The following CACNA1G variants were observed in gnomAD, a reference collection of about 807,000 sequenced individuals.
The protein encoded by CACNA1G is calcium voltage-gated channel subunit alpha1 G, also known as voltage-dependent T-type calcium channel subunit alpha-1G.
A neutral mutation model predicts 219.4 loss-of-function variants in CACNA1G; 67 were observed. The observed-to-expected ratio is 0.31, with a 90% CI of 0.25 to 0.37. The LOEUF (loss-of-function observed/expected upper bound fraction) is 0.37, where lower values mean the gene tolerates loss of function less well. CACNA1G is among the 10% of genes least tolerant of loss of function. The pLI, the probability that CACNA1G is intolerant of heterozygous loss-of-function variation, is 1.00. For synonymous variants in CACNA1G, 1,296 were observed against 1,345.3 expected (o/e 0.96, Z 0.80); for missense variants, 2,380 against 3,231.4 (o/e 0.74, Z 6.39).
chr17:50,624,810 C>T (rs1374666961), intron 37 of CACNA1G, among the ~76,000 whole-genome samples: 2 of 152,218 alleles, frequency 1.3e-5, no homozygotes, highest in South Asian at 4.1e-4. Context: ...AGGTAGAACC[C>T]CAGTCTCTGG....
intron 8 of CACNA1G, among the ~76,000 whole-genome samples, chr17:50,577,480 G>A (rs2040949764): frequency 6.7e-6 from 1 of 149,764 alleles, no homozygotes; most frequent in African/African-American, 2.5e-5. Context: ...CTATGTCCAT[G>A]AAGGGGTCCA....
chr17:50,619,560 T>A (rs1263998729), intron 33 of CACNA1G, 123 bp from the exon 34 acceptor site: 1 of 811,600 alleles, frequency 1.2e-6, no homozygotes, highest in Non-Finnish European at 1.9e-6. Context: ...ATGTGTGTTG[T>A]CTGGGTGTCA....
intron 23 of CACNA1G, among the ~76,000 whole-genome samples, chr17:50,606,676 G>A (rs555744468): frequency 1.2e-4 from 19 of 152,238 alleles, no homozygotes; most frequent in African/African-American, 3.9e-4. Context: ...CCTACCTGGC[G>A]GAGGGCAGAG....
At position 50,590,479 on chromosome 17, in the gene CACNA1G, G is replaced by A. The variant is rs772214918; in HGVS notation, c.2310G>A (p.Glu770=). Reference sequence around the variant, plus strand: ...CCCACCCTGCCCTGCAGCCCGAGGAGCTTACCAACGCCCTAGAAATCAGCA... The same window carrying A: ...CCCACCCTGCCCTGCAGCCCGAGGAACTTACCAACGCCCTAGAAATCAGCA... ...MGIEYHEQPE[E]LTNALEISNI... The change falls in exon 10 of 38, where the codon GAG becomes GAA. Residue 770 remains glutamate (E), a synonymous_variant. Coordinates refer to ENST00000359106, the MANE Select transcript of CACNA1G (RefSeq NM_018896.5). 3.1e-6 allele frequency: 5 copies of A among 1,613,854 alleles called. No homozygotes were observed. Among genetic ancestry groups the A allele is most frequent in the Admixed American group, 3.3e-5 (2 of 60,016 alleles).
chr17:50,568,082 G>A (rs1171463676), intron 1 of CACNA1G, among the ~76,000 whole-genome samples: 2 of 152,180 alleles, frequency 1.3e-5, no homozygotes, highest in Non-Finnish European at 1.5e-5. Context: ...TCATTTGAGG[G>A]TGTTGAGAGG....
intron 11 of CACNA1G, 42 bp downstream of exon 11, chr17:50,591,662 G>C: frequency 1.2e-6 from 2 of 1,610,318 alleles, no homozygotes; most frequent in Non-Finnish European, 1.7e-6. Context: ...AGACCGGCCA[G>C]GCTGGGGGCA....
At chr17:50,624,335 C>CAA in intron 36 of CACNA1G, 25 bp from the exon 37 acceptor site, 3 of 1,365,998 alleles carry the variant, frequency 2.2e-6, no homozygotes, top group Non-Finnish European at 2.0e-6. Context: ...CCCCCCACCC[C>CAA]TCCCCCGCTT....
At chr17:50,588,945 C>T (rs1301892212) in intron 9 of CACNA1G, among the ~76,000 whole-genome samples, 1 of 152,218 alleles carries the variant, frequency 6.6e-6, no homozygotes, top group African/African-American at 2.4e-5. Context: ...TTTGGGTGTC[C>T]TCAGGCCTGG....
In CACNA1G at chr17:50,601,155, A is replaced by G. The variant is rs762204818; in HGVS notation, c.3896A>G (p.Lys1299Arg). The G allele has an allele frequency of 2.5e-5, 41 of 1,613,690 alleles. No individual in the cohort carries two copies. Among genetic ancestry groups the G allele is most frequent in the Non-Finnish European group, 3.3e-5 (39 of 1,179,852 alleles). The change falls in exon 19 of 38, where the codon AAA (lysine) becomes AGA (arginine). Residue 1299 changes from lysine (K) to arginine (R), a missense_variant. Lys to Arg is a conservative substitution (Grantham distance 26, BLOSUM62 2). This residue lies in a region of CACNA1G where 153 missense variants were observed against 374.9 expected (regional missense o/e 0.41). Coordinates refer to ENST00000359106, the MANE Select transcript of CACNA1G (RefSeq NM_018896.5). ...ATCACCATCGCCATGGAGCGCCCCAAAATTGACCCCCACAGCGCTGTGAGT... is the reference window on the plus strand; with the variant it reads ...ATCACCATCGCCATGGAGCGCCCCAGAATTGACCCCCACAGCGCTGTGAGT... ...NCITIAMERP[K>R]IDPHSAERIF...
At position 50,603,292 on chromosome 17, in the gene CACNA1G, A is replaced by G; in HGVS notation, c.4169+93A>G. 2.6e-6 allele frequency: 3 copies of G among 1,135,094 alleles called. No individual in the cohort carries two copies. The highest frequency in any genetic ancestry group is 3.8e-6 in the Non-Finnish European group (3 of 796,742). 70.3% of individuals were successfully genotyped at this position (1,135,094 alleles called of 1,614,324 possible). ...CCAGCACTCCCTGCCACGAAACAAA[A>G]GCCTGCACAGGCCAGCATCCTGTCT... is the stretch of plus-strand genomic sequence containing the variant. On this transcript the variant is annotated intron_variant, in intron 21 of 37. Transcript: ENST00000359106. The surrounding 1 kb of genome is among the most constrained non-coding windows in gnomAD (Gnocchi z 6.4).
intron 10 of CACNA1G, 127 bp from the exon 11 acceptor site, chr17:50,591,308 A>T: frequency 1.1e-6 from 1 of 925,068 alleles, no homozygotes; most frequent in Non-Finnish European, 1.6e-6. Context: ...CTGGGGGCCC[A>T]CCTGTGCCCC....
rs947131228 is a variant in CACNA1G, at chr17:50,561,536, C to G, written c.77C>G (p.Ser26Trp). The change falls in exon 1 of 38, where the codon TCG becomes TGG. Residue 26 changes from serine to tryptophan, a missense_variant. Around this residue, in one of 17 missense-constraint regions of CACNA1G, gnomAD observed 98 missense variants for 85.5 expected, o/e 1.15. Transcript: ENST00000359106. ...AGCTTCATGCGGCTCAACGACCTGT[C>G]GGGGGCCGGGGGCCGGCCGGGGCCG... ...PRSFMRLNDL[S>W]GAGGRPGPGS... 2.1e-5 allele frequency: 33 copies of G among 1,537,864 alleles called. No homozygotes were observed. In the African/African-American group the frequency reaches 3.8e-4, roughly 18 times the overall value.
At chr17:50,583,101 T>C (rs1598269401) in intron 9 of CACNA1G, among the ~76,000 whole-genome samples, 3 of 151,972 alleles carry the variant, frequency 2.0e-5, no homozygotes, top group Admixed American at 2.0e-4. Flanking sequence ...CCCCAGAAAA[T>C]CCCCATATGC....
intron 3 of CACNA1G, 51 bp from the exon 4 acceptor site, chr17:50,569,655 C>T (rs1567964298): frequency 2.3e-6 from 3 of 1,315,480 alleles, no homozygotes; most frequent in East Asian, 5.1e-5. Context: ...CTCTTTTGAC[C>T]CCACTGTGGC....
chr17:50,579,340 G>T (rs542885648), intron 9 of CACNA1G, among the ~76,000 whole-genome samples: 2 of 152,126 alleles, frequency 1.3e-5, no homozygotes, highest in South Asian at 2.1e-4. Context: ...TCTGGGCTGA[G>T]GGGGAGGAGG....
chr17:50,608,142 C>T, intron 25 of CACNA1G, 123 bp downstream of exon 25: 1 of 805,996 alleles, frequency 1.2e-6, no homozygotes, highest in South Asian at 1.8e-5. Flanking sequence ...GAGGCTCCCA[C>T]CCCCCTCCTC....
chr17:50,561,689 C>T lies in CACNA1G; in HGVS notation c.230C>T (p.Thr77Met), dbSNP rs1335600514. The change falls in exon 1 of 38, where the codon ACG becomes ATG. Residue 77 changes from threonine to methionine, a missense_variant. Thr to Met is a moderately conservative substitution (Grantham distance 81, BLOSUM62 -1). Around this residue, in one of 17 missense-constraint regions of CACNA1G, gnomAD observed 64 missense variants for 103.7 expected, o/e 0.62. Coordinates refer to ENST00000359106, the MANE Select transcript of CACNA1G (RefSeq NM_018896.5). ...CGCCCGCGGAGCTGGTGTCTCCGCA[C>T]GGTCTGTAACCCATATCCTTCGGGG... Reference protein sequence around the residue: ...DSRPRSWCLRTVCNPWFERIS... With the variant: ...DSRPRSWCLRMVCNPWFERIS... 1 of 1,600,376 alleles carries T rather than the reference C, an allele frequency of 6.2e-7. No individual in the cohort carries two copies. Among genetic ancestry groups the T allele is most frequent in the South Asian group, 1.1e-5 (1 of 90,276 alleles).
intron 1 of CACNA1G, 192 bp downstream of exon 1, chr17:50,561,893 G>C: frequency 2.5e-6 from 1 of 406,378 alleles, no homozygotes; most frequent in Non-Finnish European, 4.1e-6. Context: ...AGGTCTCGTC[G>C]GTAACCCGGG....
At chr17:50,591,667 G>A (rs1181306024) in intron 11 of CACNA1G, 47 bp downstream of exon 11, 2 of 1,609,446 alleles carry the variant, frequency 1.2e-6, no homozygotes, top group Non-Finnish European at 1.7e-6. Flanking sequence ...GGCCAGGCTG[G>A]GGGCAGGAGG....
Sources: gnomAD v4.1 joint callset for allele counts (sites outside exome capture counted in the v4.1 genomes callset) on GRCh38, gnomAD v4.1.1 for gene constraint, gnomAD v4.1.1 regional missense constraint, Gnocchi (gnomAD v3.1) non-coding constraint, MANE v1.5 for transcripts, NCBI Gene and HGNC (gene_info 2026-07-23, HGNC 2026-07-21) for gene names.